NIN: variants seen among roughly 807,000 people sequenced by gnomAD.
NIN encodes the protein ninein.
In NIN, 137 loss-of-function variants were observed where a neutral mutation model predicts 257.6. The observed-to-expected ratio is 0.53, with a 90% CI of 0.46 to 0.61. NIN has a LOEUF of 0.61. Ranked by LOEUF, NIN falls within the 20% of genes least tolerant of loss-of-function variation. The pLI is 0.00. For synonymous variants in NIN, 918 were observed against 919.8 expected (o/e 1.00, Z 0.04); for missense variants, 2,439 against 2,501.2 (o/e 0.98, Z 0.53).
At chr14:50,809,799 T>C (rs535981626) in intron 3 of NIN, among the ~76,000 whole-genome samples, 31 of 152,342 alleles carry the variant, frequency 2.0e-4, no homozygotes, top group African/African-American at 7.0e-4. Context: ...GAATATGGTA[T>C]GACAAACACA....
At chr14:50,804,495 T>G (rs919239103) in intron 4 of NIN, among the ~76,000 whole-genome samples, 2 of 152,224 alleles carry the variant, frequency 1.3e-5, no homozygotes, top group Non-Finnish European at 2.9e-5. Context: ...TGACGAAGAC[T>G]TACTGCCTAC....
rs184646977 is a variant in NIN at position 50,773,324 on chromosome 14, A to G, written c.667-229T>C. On this transcript the variant is annotated intron_variant, in intron 7 of 30. Coordinates refer to ENST00000530997, the MANE Select transcript of NIN (RefSeq NM_020921.4). The stretch of plus-strand genomic sequence containing the variant: ...TCCAACATCTTCATAATCTTATGCA[A>G]TTTAGCAATTAACTATATTCTCTTT... 4.6e-5 allele frequency among the ~76,000 whole-genome samples: 7 copies of G among 152,318 alleles called. No individual in the cohort carries two copies. In the East Asian group the frequency reaches 7.7e-4, roughly 17 times the overall value.
At chr14:50,758,692 C>T in intron 17 of NIN, 62 bp from the exon 18 acceptor site, 1 of 1,457,324 alleles carries the variant, frequency 6.9e-7, no homozygotes, top group East Asian at 2.3e-5. Context: ...CAAACAAAAA[C>T]CATTTTCCCA....
intron 4 of NIN, among the ~76,000 whole-genome samples, chr14:50,797,736 C>T (rs1395109361): frequency 1.3e-5 from 2 of 151,960 alleles, no homozygotes; most frequent in East Asian, 3.9e-4. Context: ...AAAATACAGA[C>T]AGAGACCAGT....
chr14:50,773,985 T>C (rs528711722), intron 7 of NIN, among the ~76,000 whole-genome samples: 1 of 152,316 alleles, frequency 6.6e-6, no homozygotes, highest in East Asian at 1.9e-4. Context: ...CTCTTTATTC[T>C]GGGGTTAAAA....
intron 15 of NIN, among the ~76,000 whole-genome samples, chr14:50,763,249 A>C (rs948319033): frequency 6.6e-6 from 1 of 151,778 alleles, no homozygotes; most frequent in Non-Finnish European, 1.5e-5. Context: ...GAGAGAGGAA[A>C]GGAGCTCATA....
chr14:50,745,484 A>G (rs1454553594), intron 22 of NIN, among the ~76,000 whole-genome samples: 5 of 152,096 alleles, frequency 3.3e-5, no homozygotes, highest in Non-Finnish European at 7.4e-5. Context: ...CTTTATTATC[A>G]TTATGATTTT....
At chr14:50,815,320 C>G (rs1029826458) in intron 3 of NIN, among the ~76,000 whole-genome samples, 5 of 152,174 alleles carry the variant, frequency 3.3e-5, no homozygotes, top group Admixed American at 2.6e-4. Context: ...TAGAGAAATA[C>G]AAATCAAAAC....
At chr14:50,789,115 T>C (rs773476184) in intron 5 of NIN, among the ~76,000 whole-genome samples, 14 of 151,980 alleles carry the variant, frequency 9.2e-5, no homozygotes, top group African/African-American at 2.4e-4. Context: ...CCTTATGAAA[T>C]AGTCACATCA....
At chr14:50,766,116 A>G (rs535970415) in intron 14 of NIN, among the ~76,000 whole-genome samples, 191 bp downstream of exon 14, 1 of 152,000 alleles carries the variant, frequency 6.6e-6, no homozygotes, top group South Asian at 2.1e-4. Context: ...AGCACTTTAC[A>G]TATACTCACT....
chr14:50,774,297 G>A (rs1057374325), intron 7 of NIN, among the ~76,000 whole-genome samples: 1 of 152,168 alleles, frequency 6.6e-6, no homozygotes, highest in Admixed American at 6.5e-5. Flanking sequence ...GGATTTATAC[G>A]ATCTCACTAT....
chr14:50,720,875 C>T lies in NIN; in HGVS notation c.*2588G>A, dbSNP rs922378879. ...GAAACGAAGATCCCATCTTCTGAGA[C>T]GATCTTAAATAATTGTTCTTAAATC... On this transcript the variant is annotated 3_prime_UTR_variant, in exon 31 of 31. Coordinates refer to ENST00000530997, the MANE Select transcript of NIN (RefSeq NM_020921.4). The T allele has an allele frequency of 1.2e-4, 23 of 198,204 alleles. No individual in the cohort carries two copies. Among genetic ancestry groups the T allele is most frequent in the Non-Finnish European group, 2.2e-4 (21 of 96,004 alleles). The allele number at this position is 198,204 out of a possible 1,614,324, so 12.3% of individuals were successfully genotyped here. A position where few individuals can be genotyped will look rare whatever the true frequency, so the allele number is the denominator to read the frequency against.
intron 5 of NIN, 128 bp downstream of exon 5, chr14:50,792,584 C>G (rs756091778): frequency 3.7e-5 from 33 of 900,626 alleles, no homozygotes; most frequent in Non-Finnish European, 5.2e-5. Flanking sequence ...ATAAGATTAG[C>G]AAGGAGTTGG....
At chr14:50,824,824 C>T (rs187196055) in intron 2 of NIN, among the ~76,000 whole-genome samples, 3 of 152,296 alleles carry the variant, frequency 2.0e-5, no homozygotes, top group African/African-American at 7.2e-5. Flanking sequence ...TACACACCTC[C>T]ACTTCCCCCA....
chr14:50,731,902 C>T (rs922411030), intron 28 of NIN, among the ~76,000 whole-genome samples: 8 of 152,102 alleles, frequency 5.3e-5, no homozygotes, highest in Non-Finnish European at 8.8e-5. Context: ...CACTTGGAGA[C>T]GCAGAATGCA....
At chr14:50,819,649 C>T (rs1169031543) in intron 3 of NIN, among the ~76,000 whole-genome samples, 2 of 152,180 alleles carry the variant, frequency 1.3e-5, no homozygotes, top group South Asian at 2.1e-4. Flanking sequence ...AGCGTGAAAA[C>T]GGACTAATAC....
At chr14:50,828,557 C>T (rs1240536068) in intron 2 of NIN, among the ~76,000 whole-genome samples, 7 of 152,160 alleles carry the variant, frequency 4.6e-5, no homozygotes, top group Non-Finnish European at 1.0e-4. Context: ...AATGAATTGG[C>T]ATCTATAAAA....
intron 3 of NIN, among the ~76,000 whole-genome samples, chr14:50,819,957 T>C (rs551106292): frequency 2.0e-5 from 3 of 152,238 alleles, no homozygotes; most frequent in Non-Finnish European, 4.4e-5. Context: ...GCATTTTTTC[T>C]TATAATTTAA....
intron 7 of NIN, among the ~76,000 whole-genome samples, chr14:50,775,607 A>T (rs2042891362): frequency 6.6e-6 from 1 of 152,240 alleles, no homozygotes; most frequent in Non-Finnish European, 1.5e-5. Flanking sequence ...ATATTCTATG[A>T]GCAATCCTCT....
Sources: gnomAD v4.1 joint callset for allele counts (sites outside exome capture counted in the v4.1 genomes callset) on GRCh38, gnomAD v4.1.1 for gene constraint, MANE v1.5 for transcripts, NCBI Gene and HGNC (gene_info 2026-07-23, HGNC 2026-07-21) for gene names.